Variants in DCAF8L2 observed in about 807,000 individuals in gnomAD.
The protein encoded by DCAF8L2 is DDB1 and CUL4 associated factor 8 like 2.
For synonymous variants in DCAF8L2, 200 were observed against 190.9 expected (o/e 1.05, Z -0.39); for missense variants, 430 against 490.7 (o/e 0.88, Z 1.17).
At chrX:27,579,541 A>C in the DCAF8L2 span, among the ~76,000 whole-genome samples, 4 of 109,139 alleles carry the variant, frequency 3.7e-5, no homozygotes, top group African/African-American at 1.3e-4. Flanking sequence ...CATGTCCTGC[A>C]CATGTACCCC....
intron 4 of DCAF8L2, among the ~76,000 whole-genome samples, chrX:27,730,664 C>T (rs989368779): frequency 9.1e-6 from 1 of 109,405 alleles, no homozygotes; most frequent in Non-Finnish European, 1.9e-5. Context: ...GTGATCCATC[C>T]GCCAGGGCCT....
chrX:27,477,682 A>C, the DCAF8L2 span, among the ~76,000 whole-genome samples: 1 of 110,500 alleles, frequency 9.0e-6, no homozygotes, highest in East Asian at 2.8e-4. Context: ...TTAAACCCTT[A>C]CTCTAGAATT....
chrX:27,547,842 TCTTTCTC>T, the DCAF8L2 span, among the ~76,000 whole-genome samples: 1 of 88,150 alleles, frequency 1.1e-5, no homozygotes, highest in Admixed American at 1.2e-4. Flanking sequence ...TCTCTCTCTC[TCTTTCTC>T]TCTCTCTCTC....
chrX:27,504,809 A>T, the DCAF8L2 span, among the ~76,000 whole-genome samples: 1 of 111,436 alleles, frequency 9.0e-6, no homozygotes, highest in Non-Finnish European at 1.9e-5. Flanking sequence ...AGGTAGAAAG[A>T]CATCATTGTC....
the DCAF8L2 span, among the ~76,000 whole-genome samples, chrX:27,474,112 C>T: frequency 9.0e-6 from 1 of 110,908 alleles, no homozygotes; most frequent in African/African-American, 3.3e-5. Context: ...GTCAGTTGCT[C>T]ATTGTACAAG....
At chrX:27,628,161 C>T (rs982498306) in intron 1 of DCAF8L2, among the ~76,000 whole-genome samples, 2 of 111,456 alleles carry the variant, frequency 1.8e-5, no homozygotes, top group African/African-American at 6.5e-5. Context: ...ATTATAGATA[C>T]CTCATATAAG....
At chrX:27,511,462 T>C in the DCAF8L2 span, among the ~76,000 whole-genome samples, 10 of 111,903 alleles carry the variant, frequency 8.9e-5, no homozygotes, top group African/African-American at 3.2e-4. Flanking sequence ...TTATCACTTA[T>C]GAAATATTTT....
At chrX:27,486,897 A>G in the DCAF8L2 span, among the ~76,000 whole-genome samples, 2 of 111,687 alleles carry the variant, frequency 1.8e-5, no homozygotes, top group Non-Finnish European at 3.8e-5. Context: ...AATTGGTTAG[A>G]GTGAGTTCTC....
At chrX:27,573,811 G>C in the DCAF8L2 span, among the ~76,000 whole-genome samples, 8,767 of 109,831 alleles carry the variant, frequency 0.08, 334 homozygotes, top group Non-Finnish European at 0.12. Flanking sequence ...TATGCTAAAC[G>C]TTGTATTACA....
At chrX:27,503,044 T>G in the DCAF8L2 span, among the ~76,000 whole-genome samples, 1 of 111,802 alleles carries the variant, frequency 8.9e-6, no homozygotes, top group Non-Finnish European at 1.9e-5. Context: ...AAACAAATAT[T>G]TTCTAGAAAT....
chrX:27,711,392 TGTGTAC>T (rs1931524325), intron 3 of DCAF8L2, among the ~76,000 whole-genome samples: 2 of 90,526 alleles, frequency 2.2e-5, no homozygotes, highest in African/African-American at 9.4e-5. Context: ...TGTGTGTGTG[TGTGTAC>T]GTGTGTGTGT....
At chrX:27,640,429 G>C (rs1928670665) in intron 2 of DCAF8L2, among the ~76,000 whole-genome samples, 1 of 111,932 alleles carries the variant, frequency 8.9e-6, no homozygotes, top group South Asian at 3.6e-4. Flanking sequence ...GTATAAATAA[G>C]TATTTTATTC....
At chrX:27,590,988 A>ATT (rs1326180252) in intron 1 of DCAF8L2, among the ~76,000 whole-genome samples, 13 of 19,711 alleles carry the variant, frequency 6.6e-4, no homozygotes, top group Admixed American at 2.6e-3. Context: ...AAGCCTTTAC[A>ATT]TTTTATATAT....
the DCAF8L2 span, among the ~76,000 whole-genome samples, chrX:27,484,313 T>G: frequency 8.9e-6 from 1 of 111,858 alleles, no homozygotes; most frequent in African/African-American, 3.2e-5. Context: ...GTTTTCAGAT[T>G]AAATTCAAAT....
At chrX:27,618,499 C>A (rs1927580235) in intron 1 of DCAF8L2, among the ~76,000 whole-genome samples, 1 of 111,788 alleles carries the variant, frequency 8.9e-6, no homozygotes, top group South Asian at 3.7e-4. Context: ...GCATTAGACA[C>A]AAGTAGCTAT....
At chrX:27,497,846 C>T in the DCAF8L2 span, among the ~76,000 whole-genome samples, 2 of 112,012 alleles carry the variant, frequency 1.8e-5, no homozygotes, top group Non-Finnish European at 3.8e-5. Flanking sequence ...GGATTACAGG[C>T]GTGAGCCACC....
At chrX:27,511,071 T>C in the DCAF8L2 span, among the ~76,000 whole-genome samples, 1 of 110,906 alleles carries the variant, frequency 9.0e-6, no homozygotes, top group Non-Finnish European at 1.9e-5. Flanking sequence ...AATAGACAAG[T>C]GGAGCAAATA....
chrX:27,587,683 T>C (rs1269802151), upstream of DCAF8L2, among the ~76,000 whole-genome samples: 1 of 111,338 alleles, frequency 9.0e-6, no homozygotes, highest in Non-Finnish European at 1.9e-5. Flanking sequence ...AGAGGCTAGT[T>C]AGTGGGTTGA....
intron 1 of DCAF8L2, among the ~76,000 whole-genome samples, chrX:27,604,658 G>T (rs1057225377): frequency 3.6e-5 from 4 of 111,799 alleles, no homozygotes; most frequent in African/African-American, 1.3e-4. Flanking sequence ...GTCTCTAACT[G>T]GTGTGACAAA....
Sources: allele counts gnomAD v4.1 joint callset (sites outside exome capture counted in the v4.1 genomes callset), GRCh38; gene constraint gnomAD v4.1.1; transcripts MANE v1.5; gene names NCBI Gene and HGNC (gene_info 2026-07-23, HGNC 2026-07-21).